The following PHF14 variants were observed in gnomAD, a reference collection of about 807,000 sequenced individuals.
The protein encoded by PHF14 is PHD finger protein 14.
Under a neutral mutation model 117.9 loss-of-function variants are expected in PHF14, and 55 were observed. The observed-to-expected ratio is 0.47, with a 90% CI of 0.38 to 0.58. The LOEUF (loss-of-function observed/expected upper bound fraction) is 0.58. Among genes scored for constraint, PHF14 ranks in the 20% least tolerant of loss-of-function variants. PHF14 has a pLI of 0.00. For missense variants in PHF14, 978 were observed against 1,122.2 expected, an observed-to-expected ratio of 0.87 and a Z score of 1.84; for synonymous variants, 409 against 368.6, an observed-to-expected ratio of 1.11 and a Z score of -1.26.
intron 16 of PHF14, among the ~76,000 whole-genome samples, chr7:11,097,456 A>G (rs1486033430): frequency 6.6e-6 from 1 of 152,182 alleles, no homozygotes; most frequent in Non-Finnish European, 1.5e-5. Flanking sequence ...ACTAGGGATC[A>G]CCATTAGGCG....
At chr7:11,000,961 C>T (rs927292529) in intron 4 of PHF14, among the ~76,000 whole-genome samples, 1 of 151,658 alleles carries the variant, frequency 6.6e-6, no homozygotes, top group Non-Finnish European at 1.5e-5. Context: ...TAGATTTTCT[C>T]CCGTGTTATT....
chr7:11,050,568 A>C (rs980758668), intron 13 of PHF14, among the ~76,000 whole-genome samples: 2 of 152,180 alleles, frequency 1.3e-5, no homozygotes, highest in African/African-American at 4.8e-5. Flanking sequence ...AATTAATATT[A>C]AAATGAGAAA....
In PHF14 at chr7:11,113,729, C is replaced by T. The variant is rs1279963082; in HGVS notation, c.2772+2262C>T. The stretch of plus-strand genomic sequence containing the variant: ...TGGTTTTTCTTACTTTGGAAGACTT[C>T]CATTCATGACCAGTGGGTAGTAAAT... On this transcript the variant is annotated intron_variant, in intron 17 of 17. Transcript: ENST00000634607. Among the ~76,000 whole-genome samples the T allele has an allele frequency of 2.0e-5, 3 of 152,060 alleles. No homozygotes were observed. In the South Asian group the frequency reaches 6.2e-4, roughly 32 times the overall value.
At chr7:10,988,016 C>CAAAAAAA (rs60714759) in intron 3 of PHF14, among the ~76,000 whole-genome samples, 3 of 115,570 alleles carry the variant, frequency 2.6e-5, no homozygotes, top group Admixed American at 9.6e-5. Context: ...AACTCCTTCT[C>CAAAAAAA]AAAAAAAAAA....
At position 11,110,478 on chromosome 7, in the gene PHF14, T is replaced by G. The variant is rs1787409382; in HGVS notation, c.2655-872T>G. On this transcript the variant is annotated intron_variant, in intron 16 of 17. Coordinates refer to ENST00000634607, the MANE Select transcript of PHF14 (RefSeq NM_001007157.2). ...GTTATTCCAACTGATGCAAAATTCTTTTTACAAAGCACTGAAATAATACAG... is the reference window on the plus strand; with the variant it reads ...GTTATTCCAACTGATGCAAAATTCTGTTTACAAAGCACTGAAATAATACAG... 3.2e-6 allele frequency: 3 copies of G among 925,548 alleles called. No individual in the cohort carries two copies. In the Admixed American group the frequency reaches 1.9e-4, roughly 57 times the overall value. The allele number at this position is 925,548 out of a possible 1,614,324, so 57.3% of individuals were successfully genotyped here.
chr7:11,120,788 T>G (rs1787729170), intron 17 of PHF14, among the ~76,000 whole-genome samples: 1 of 152,140 alleles, frequency 6.6e-6, no homozygotes, highest in Non-Finnish European at 1.5e-5. Flanking sequence ...GAATGATATT[T>G]AGAAACTAAA....
At chr7:11,111,908 T>TAA (rs59702121) in intron 17 of PHF14, among the ~76,000 whole-genome samples, 80 of 147,982 alleles carry the variant, frequency 5.4e-4, no homozygotes, top group South Asian at 6.4e-4. Context: ...TCTGTTCCTT[T>TAA]AAAAAAAAAA....
chr7:10,997,980 A>G (rs1182124886), intron 4 of PHF14, among the ~76,000 whole-genome samples: 6 of 152,208 alleles, frequency 3.9e-5, no homozygotes, highest in African/African-American at 7.2e-5. Flanking sequence ...ATTAAGGGCT[A>G]TCTTAGAGGC....
At position 11,111,429 on chromosome 7, in the gene PHF14, G is replaced by A. The variant is rs373802740; in HGVS notation, c.2734G>A (p.Gly912Arg). Residue 912 changes from glycine (G) to arginine (R), a missense_variant, in exon 17 of 18, where the codon GGA becomes AGA. Physicochemically the swap from Gly to Arg is moderately radical, Grantham distance 125 (BLOSUM62 -2). Around this residue, in one of 7 missense-constraint regions of PHF14, gnomAD observed 180 missense variants for 195.4 expected, o/e 0.92. Transcript: ENST00000634607. ...AAAGTCTCCTAAACAGACAGGCTAC[G>A]GATGGATATGTCAGGAATGTGATTC... ...LKKSPKQTGY[G>R]WICQECDSSS... 1.1e-5 allele frequency: 17 copies of A among 1,602,630 alleles called. No individual in the cohort carries two copies. The highest frequency in any genetic ancestry group is 1.3e-5 in the Non-Finnish European group (15 of 1,171,780).
Position 11,050,213 on chromosome 7 carries a change from A to G in PHF14, c.2313-1399A>G, listed in dbSNP as rs71536839. Among the ~76,000 whole-genome samples, 492 of 152,314 alleles carry G rather than the reference A, an allele frequency of 3.2e-3. 1 individual carries two copies. The highest frequency in any genetic ancestry group is 5.9e-3 in the Admixed American group (91 of 15,304). ...GTATTAGTGAAAGATGTGAATTTTGATGGAACGAAATCAAATCATAAATCT... is the reference window on the plus strand; with the variant it reads ...GTATTAGTGAAAGATGTGAATTTTGGTGGAACGAAATCAAATCATAAATCT... On this transcript the variant is annotated intron_variant, in intron 13 of 17. Transcript: ENST00000634607.
intron 17 of PHF14, among the ~76,000 whole-genome samples, chr7:11,161,703 T>TATTATATTTTATTTAAATAAA (rs1789033609): frequency 6.8e-6 from 1 of 147,870 alleles, no homozygotes; most frequent in Admixed American, 6.8e-5. Context: ...TAAATAAAAA[T>TATTATATTTTATTTAAATAAA]ATTATATTTT....
chr7:11,036,844 T>C (rs776471711), intron 9 of PHF14, 141 bp from the exon 10 acceptor site: 340 of 937,974 alleles, frequency 3.6e-4, no homozygotes, highest in Non-Finnish European at 5.1e-4. Context: ...TTTTACAAAA[T>C]GCTAGGTTCA....
At chr7:10,995,549 C>T (rs1782610904) in intron 4 of PHF14, among the ~76,000 whole-genome samples, 1 of 152,184 alleles carries the variant, frequency 6.6e-6, no homozygotes, top group Admixed American at 6.5e-5. Flanking sequence ...ATGCCGTGTG[C>T]CCGCATTCCT....
intron 17 of PHF14, among the ~76,000 whole-genome samples, chr7:11,169,151 CTT>C (rs1789294474): frequency 6.6e-6 from 1 of 152,078 alleles, no homozygotes; most frequent in African/African-American, 2.4e-5. Context: ...GCAAAGAACA[CTT>C]TTCAGTGGCA....
At chr7:11,145,342 A>G (rs1385571584) in intron 17 of PHF14, among the ~76,000 whole-genome samples, 1 of 152,006 alleles carries the variant, frequency 6.6e-6, no homozygotes, top group Non-Finnish European at 1.5e-5. Context: ...TAGGAGGAAA[A>G]ACAGTTCTTC....
intron 3 of PHF14, among the ~76,000 whole-genome samples, chr7:10,985,188 A>G (rs1782175120): frequency 6.6e-6 from 1 of 152,162 alleles, no homozygotes; most frequent in Non-Finnish European, 1.5e-5. Flanking sequence ...TGAAAAGATG[A>G]TTAAAGCTAG....
At chr7:11,128,161 C>G (rs538246711) in intron 17 of PHF14, among the ~76,000 whole-genome samples, 4 of 152,150 alleles carry the variant, frequency 2.6e-5, no homozygotes, top group African/African-American at 9.6e-5. Context: ...ACTACAAATT[C>G]ATGCCTTCTA....
chr7:11,017,330 A>G (rs1490121122), intron 5 of PHF14, among the ~76,000 whole-genome samples: 3 of 152,136 alleles, frequency 2.0e-5, no homozygotes, highest in African/African-American at 4.8e-5. Flanking sequence ...TTTCTTCATC[A>G]TGGTTGTACT....
intron 16 of PHF14, among the ~76,000 whole-genome samples, chr7:11,090,232 A>G (rs1786592111): frequency 6.6e-6 from 1 of 152,238 alleles, no homozygotes; most frequent in Non-Finnish European, 1.5e-5. Flanking sequence ...TATATTCTCT[A>G]TGAATCGTAG....
Sources: allele counts gnomAD v4.1 joint callset (sites outside exome capture counted in the v4.1 genomes callset), GRCh38; gene constraint gnomAD v4.1.1; regional missense constraint gnomAD v4.1.1; transcripts MANE v1.5; gene names NCBI Gene and HGNC (gene_info 2026-07-23, HGNC 2026-07-21).